The following CDK6 variants were observed in gnomAD, a reference collection of about 807,000 sequenced individuals.
The protein encoded by CDK6 is cyclin-dependent kinase 6.
CDK6 carries 6 observed loss-of-function variants against 37.1 expected under a neutral mutation model. The observed-to-expected ratio is 0.16, with a 90% CI of 0.09 to 0.32. The LOEUF is 0.32. CDK6 is among the 10% of genes least tolerant of loss of function. The probability of loss-of-function intolerance (pLI) is 1.00; values close to 1 mark genes in which losing one functional copy is unlikely to be tolerated. For missense variants in CDK6, 224 were observed against 418.9 expected, an observed-to-expected ratio of 0.53 and a Z score of 4.06; for synonymous variants, 160 against 161.3, an observed-to-expected ratio of 0.99 and a Z score of 0.06.
intron 3 of CDK6, among the ~76,000 whole-genome samples, chr7:92,767,047 G>A (rs763562466): frequency 6.6e-6 from 1 of 151,976 alleles, no homozygotes; most frequent in Non-Finnish European, 1.5e-5. Flanking sequence ...TTAGTCCCTG[G>A]CTTTAGGCTG....
chr7:92,829,655 T>A (rs549270509), intron 2 of CDK6, among the ~76,000 whole-genome samples: 2 of 152,218 alleles, frequency 1.3e-5, no homozygotes, highest in African/African-American at 4.8e-5. Flanking sequence ...TGTGTCAGTA[T>A]CTCATATAGA....
intron 5 of CDK6, among the ~76,000 whole-genome samples, chr7:92,658,496 G>C (rs1193359782): frequency 1.3e-5 from 2 of 152,200 alleles, no homozygotes; most frequent in East Asian, 3.8e-4. Context: ...GTACAGAAGA[G>C]TATCGGGTAA....
intron 4 of CDK6, among the ~76,000 whole-genome samples, chr7:92,700,804 G>A (rs148636872): frequency 8.4e-4 from 128 of 152,372 alleles, no homozygotes; most frequent in Non-Finnish European, 1.4e-3. Flanking sequence ...AGGATACCAC[G>A]ATGTCACAGA....
intron 2 of CDK6, among the ~76,000 whole-genome samples, chr7:92,796,974 A>G (rs1800429648): frequency 6.6e-6 from 1 of 152,162 alleles, no homozygotes; most frequent in African/African-American, 2.4e-5. Flanking sequence ...AAATGTGGGG[A>G]TGAGGATGAT....
chr7:92,716,122 C>T (rs1420692636), intron 4 of CDK6, among the ~76,000 whole-genome samples: 1 of 152,050 alleles, frequency 6.6e-6, no homozygotes, highest in East Asian at 1.9e-4. Context: ...GTGTCTAAAA[C>T]AAATTAAAAA....
intron 3 of CDK6, among the ~76,000 whole-genome samples, chr7:92,726,996 G>A (rs573281780): frequency 3.3e-5 from 5 of 152,188 alleles, no homozygotes; most frequent in Admixed American, 1.3e-4. Context: ...ATGGAGGAGC[G>A]GATCATTCAG....
At chr7:92,712,850 G>A (rs2116684303) in intron 4 of CDK6, among the ~76,000 whole-genome samples, 1 of 150,512 alleles carries the variant, frequency 6.6e-6, no homozygotes, top group Admixed American at 6.6e-5. Context: ...ATGTATGTAT[G>A]TATGTATGTA....
rs536363185 is a variant in CDK6 at position 92,635,108 on chromosome 7, C to T, written c.648-12022G>A. ...GCATTGGATCATCTTTGGGAAACCA[C>T]CTACTAAGCAGAATTTAGCAGCTAA... On this transcript the variant is annotated intron_variant, in intron 5 of 7. Coordinates refer to ENST00000424848, the MANE Select transcript of CDK6 (RefSeq NM_001145306.2). Among the ~76,000 whole-genome samples the T allele has an allele frequency of 3.0e-4, 46 of 152,242 alleles. 1 individual carries two copies. The highest frequency in any genetic ancestry group is 9.4e-4 in the African/African-American group (39 of 41,546).
At chr7:92,738,911 CT>C (rs1167739833) in intron 3 of CDK6, among the ~76,000 whole-genome samples, 1 of 152,066 alleles carries the variant, frequency 6.6e-6, no homozygotes, top group East Asian at 1.9e-4. Flanking sequence ...TGGTATTATT[CT>C]TTTTCCAGGC....
At chr7:92,732,591 A>G (rs1216125444) in intron 3 of CDK6, among the ~76,000 whole-genome samples, 2 of 151,580 alleles carry the variant, frequency 1.3e-5, no homozygotes, top group Non-Finnish European at 2.9e-5. Flanking sequence ...TAGAACAGAT[A>G]ATTATTTGTG....
intron 2 of CDK6, among the ~76,000 whole-genome samples, chr7:92,780,527 G>A (rs181139982): frequency 3.5e-4 from 53 of 152,092 alleles, no homozygotes; most frequent in African/African-American, 1.1e-3. Flanking sequence ...TTGGGAGCCC[G>A]AGGAGGGCGG....
At chr7:92,711,734 A>AT (rs957470367) in intron 4 of CDK6, among the ~76,000 whole-genome samples, 12 of 151,012 alleles carry the variant, frequency 7.9e-5, no homozygotes, top group South Asian at 6.3e-4. Flanking sequence ...TGCCTGGCTA[A>AT]TTTTTTTATT....
At chr7:92,709,774 T>G (rs1798045527) in intron 4 of CDK6, among the ~76,000 whole-genome samples, 1 of 152,194 alleles carries the variant, frequency 6.6e-6, no homozygotes, top group South Asian at 2.1e-4. Flanking sequence ...TGAATTTGCC[T>G]GAGAAGAATG....
intron 4 of CDK6, among the ~76,000 whole-genome samples, chr7:92,715,447 T>G (rs957157413): frequency 1.3e-5 from 2 of 152,170 alleles, no homozygotes; most frequent in African/African-American, 2.4e-5. Flanking sequence ...TCCCTGAGAT[T>G]TGAAGGTAGA....
chr7:92,818,203 T>C (rs2115969555), intron 2 of CDK6, among the ~76,000 whole-genome samples: 1 of 152,098 alleles, frequency 6.6e-6, no homozygotes, highest in African/African-American at 2.4e-5. Context: ...GATTAAGACC[T>C]ATACATTATA....
chr7:92,659,055 T>C (rs780767308), intron 5 of CDK6, among the ~76,000 whole-genome samples: 14 of 152,202 alleles, frequency 9.2e-5, no homozygotes, highest in Non-Finnish European at 1.9e-4. Context: ...CCAACATCTA[T>C]AGCCCCTACA....
In CDK6 at chr7:92,713,507, A is replaced by G. The variant is rs1798149584; in HGVS notation, c.537+12119T>C. Among the ~76,000 whole-genome samples the G allele has an allele frequency of 2.0e-5, 3 of 152,118 alleles. No individual in the cohort carries two copies. In the South Asian group the frequency reaches 6.2e-4, roughly 32 times the overall value. ...TAAAAATGTTCCCTGACTTAAATTA[A>G]TATTGATAAATTAGTCATTTAACAT... On this transcript the variant is annotated intron_variant, in intron 4 of 7. Coordinates refer to ENST00000424848, the MANE Select transcript of CDK6 (RefSeq NM_001145306.2).
intron 5 of CDK6, among the ~76,000 whole-genome samples, chr7:92,654,744 G>A (rs1027374997): frequency 6.6e-6 from 1 of 152,128 alleles, no homozygotes; most frequent in East Asian, 1.9e-4. Context: ...TTTCTGAACC[G>A]AAGTCAACCT....
chr7:92,675,402 A>C (rs1264165772), intron 4 of CDK6, among the ~76,000 whole-genome samples: 1 of 152,194 alleles, frequency 6.6e-6, no homozygotes, highest in African/African-American at 2.4e-5. Flanking sequence ...TTGTTTTATT[A>C]ATGACGTATT....
Sources: allele counts gnomAD v4.1 joint callset (sites outside exome capture counted in the v4.1 genomes callset), GRCh38; gene constraint gnomAD v4.1.1; transcripts MANE v1.5; gene names NCBI Gene and HGNC (gene_info 2026-07-23, HGNC 2026-07-21).